Variants in BNC2 observed in about 807,000 individuals in gnomAD.
BNC2 encodes the protein zinc finger protein basonuclin-2.
A neutral mutation model predicts 76.3 loss-of-function variants in BNC2; 20 were observed. That is an observed-to-expected ratio of 0.26 (90% CI 0.18 to 0.38). BNC2 has a LOEUF of 0.38. Among genes scored for constraint, BNC2 ranks in the 10% least tolerant of loss-of-function variants. BNC2 has a pLI of 1.00. For synonymous variants in BNC2, 582 were observed against 514.8 expected, an observed-to-expected ratio of 1.13 and a Z score of -1.77; for missense variants, 1,382 against 1,399.8, an observed-to-expected ratio of 0.99 and a Z score of 0.20.
intron 3 of BNC2, among the ~76,000 whole-genome samples, chr9:16,724,216 G>C (rs1217630850): frequency 6.6e-6 from 1 of 151,790 alleles, no homozygotes; most frequent in Non-Finnish European, 1.5e-5. Flanking sequence ...TTTCTAAAAA[G>C]ATTTTTAAAT....
chr9:16,748,346 CTACAAAAAA>C (rs1360157505), intron 1 of BNC2, among the ~76,000 whole-genome samples: 1 of 151,800 alleles, frequency 6.6e-6, no homozygotes. Flanking sequence ...AAACCCATCT[CTACAAAAAA>C]TACAAAAATT....
chr9:16,555,047 T>A (rs1251384680), intron 4 of BNC2, among the ~76,000 whole-genome samples: 2 of 150,612 alleles, frequency 1.3e-5, no homozygotes, highest in Admixed American at 6.6e-5. Context: ...TAAGACGGAG[T>A]CTCGCTCTGT....
chr9:16,870,333 C>T (rs1819648955), intron 1 of BNC2, among the ~76,000 whole-genome samples: 1 of 152,178 alleles, frequency 6.6e-6, no homozygotes. Context: ...CCTCCCCTAG[C>T]CAGCCGCTCA....
chr9:16,431,883 C>T (rs774776845), intron 6 of BNC2, among the ~76,000 whole-genome samples: 2 of 152,156 alleles, frequency 1.3e-5, no homozygotes, highest in Non-Finnish European at 2.9e-5. Context: ...GAATCTAATG[C>T]CACCACTGAC....
At chr9:16,490,894 G>A (rs1255078915) in intron 5 of BNC2, among the ~76,000 whole-genome samples, 1 of 152,180 alleles carries the variant, frequency 6.6e-6, no homozygotes, top group Non-Finnish European at 1.5e-5. Context: ...TCAAAGGTTT[G>A]CGGAGGAGTG....
intron 3 of BNC2, among the ~76,000 whole-genome samples, chr9:16,669,601 T>C (rs141003110): frequency 1.3e-5 from 2 of 152,350 alleles, no homozygotes; most frequent in Admixed American, 6.5e-5. Context: ...CCTGGTCTTT[T>C]ACCTTTAAAA....
chr9:16,632,398 G>A (rs1295085081), intron 3 of BNC2, among the ~76,000 whole-genome samples: 1 of 148,370 alleles, frequency 6.7e-6, no homozygotes, highest in Admixed American at 6.7e-5. Flanking sequence ...ACATCTTCTG[G>A]AGTCTGATGG....
At chr9:16,792,906 A>ATT (rs1461951245) in intron 1 of BNC2, among the ~76,000 whole-genome samples, 1 of 152,230 alleles carries the variant, frequency 6.6e-6, no homozygotes, top group African/African-American at 2.4e-5. Context: ...AAGCAAAGGG[A>ATT]TTAGTTAACT....
intron 5 of BNC2, among the ~76,000 whole-genome samples, chr9:16,501,117 CT>C (rs1563812624): frequency 5.9e-5 from 6 of 100,866 alleles, no homozygotes; most frequent in African/African-American, 3.0e-4. Context: ...ATCATACTTA[CT>C]ACAGAGTTGG....
intron 1 of BNC2, among the ~76,000 whole-genome samples, chr9:16,827,400 C>T (rs555689967): frequency 3.0e-4 from 45 of 152,280 alleles, no homozygotes; most frequent in African/African-American, 1.1e-3. Context: ...GTGGGACCCA[C>T]TGAACAGGAA....
At chr9:16,703,888 A>G (rs1329180885) in intron 3 of BNC2, among the ~76,000 whole-genome samples, 5 of 152,136 alleles carry the variant, frequency 3.3e-5, no homozygotes, top group Non-Finnish European at 5.9e-5. Context: ...GGCAGTTATT[A>G]AAATGTGCAC....
intron 3 of BNC2, among the ~76,000 whole-genome samples, chr9:16,669,514 A>G (rs1239426252): frequency 6.6e-6 from 1 of 152,238 alleles, no homozygotes; most frequent in African/African-American, 2.4e-5. Context: ...CTCACTAGAC[A>G]GCAACTTCCA....
chr9:16,488,751 G>A (rs1822215089), intron 5 of BNC2, among the ~76,000 whole-genome samples: 1 of 151,986 alleles, frequency 6.6e-6, no homozygotes, highest in Non-Finnish European at 1.5e-5. Context: ...CAATCAAGGA[G>A]CAAAGATTAA....
chr9:16,479,018 G>C (rs577198515), intron 5 of BNC2, among the ~76,000 whole-genome samples: 1 of 152,178 alleles, frequency 6.6e-6, no homozygotes, highest in African/African-American at 2.4e-5. Context: ...TTGGAAGGCC[G>C]AAGTGGGCAG....
At chr9:16,636,540 C>A (rs145372096) in intron 3 of BNC2, among the ~76,000 whole-genome samples, 1 of 152,070 alleles carries the variant, frequency 6.6e-6, no homozygotes, top group Admixed American at 6.5e-5. Flanking sequence ...TGAGCTCATG[C>A]GATCCTCCTA....
At chr9:16,761,853 T>C (rs979137839) in intron 1 of BNC2, among the ~76,000 whole-genome samples, 1 of 152,226 alleles carries the variant, frequency 6.6e-6, no homozygotes, top group African/African-American at 2.4e-5. Context: ...ATTAGTGCTC[T>C]GTAGCTGATG....
chr9:16,606,909 G>A (rs1295292620), intron 3 of BNC2, among the ~76,000 whole-genome samples: 2 of 152,094 alleles, frequency 1.3e-5, no homozygotes, highest in African/African-American at 4.8e-5. Flanking sequence ...AGCTCCTTTG[G>A]CCTGCGGCCA....
intron 1 of BNC2, among the ~76,000 whole-genome samples, chr9:16,803,230 C>T (rs1817826077): frequency 6.6e-6 from 1 of 152,210 alleles, no homozygotes; most frequent in African/African-American, 2.4e-5. Flanking sequence ...CAAAAATCAT[C>T]AGTGCCAAAA....
chr9:16,429,810 C>T (rs1037556056), intron 6 of BNC2: 73 of 424,116 alleles, frequency 1.7e-4, no homozygotes, highest in Non-Finnish European at 1.4e-4. Flanking sequence ...GTTCTGAAGA[C>T]GGTGGAAATG....
Sources: gnomAD v4.1 joint callset for allele counts (sites outside exome capture counted in the v4.1 genomes callset) on GRCh38, gnomAD v4.1.1 for gene constraint, MANE v1.5 for transcripts, NCBI Gene and HGNC (gene_info 2026-07-23, HGNC 2026-07-21) for gene names.